Variants in SPRR2G observed in about 807,000 individuals in gnomAD.
SPRR2G encodes small proline-rich protein 2G.
SPRR2G carries 1 observed loss-of-function variant against 0.7 expected under a neutral mutation model. The observed-to-expected ratio is 1.49, with a 90% CI of 0.53 to 7.06. SPRR2G has a LOEUF of 7.06. Among genes scored for constraint, SPRR2G ranks in the 30% most tolerant of loss-of-function variants. SPRR2G has a pLI of 0.14. For synonymous variants in SPRR2G, 38 were observed against 33.9 expected, an observed-to-expected ratio of 1.12 and a Z score of -0.42; for missense variants, 96 against 88.5, an observed-to-expected ratio of 1.09 and a Z score of -0.34.
chr1:153,175,395 G>A, the SPRR2G span, among the ~76,000 whole-genome samples: 11 of 152,232 alleles, frequency 7.2e-5, no homozygotes, highest in South Asian at 2.1e-4. Context: ...GGCTGTTCCC[G>A]TAAGTCCAGT....
chr1:153,195,771 TCTTC>T, the SPRR2G span, among the ~76,000 whole-genome samples: 3 of 152,146 alleles, frequency 2.0e-5, no homozygotes, highest in Non-Finnish European at 4.4e-5. Flanking sequence ...CTGAGATGAC[TCTTC>T]CTTTCCTCTA....
chr1:153,190,210 T>A, the SPRR2G span: 1 of 152,352 alleles, frequency 6.6e-6, no homozygotes, highest in East Asian at 1.9e-4. Flanking sequence ...CCACCCTTCA[T>A]ACAGTAGAAG....
At chr1:153,192,146 A>G in the SPRR2G span, among the ~76,000 whole-genome samples, 3 of 152,186 alleles carry the variant, frequency 2.0e-5, no homozygotes. Context: ...CACAGAGGGC[A>G]TGTGGGATGA....
At chr1:153,189,646 C>A in the SPRR2G span, among the ~76,000 whole-genome samples, 3 of 152,060 alleles carry the variant, frequency 2.0e-5, no homozygotes, top group Admixed American at 2.0e-4. Flanking sequence ...AGGGAGATTG[C>A]CAGAACATAC....
At chr1:153,183,154 C>T in the SPRR2G span, among the ~76,000 whole-genome samples, 9 of 148,520 alleles carry the variant, frequency 6.1e-5, no homozygotes, top group South Asian at 6.4e-4. Context: ...CCACAGTTTC[C>T]GCCTCCTGGG....
chr1:153,184,021 A>G, the SPRR2G span, among the ~76,000 whole-genome samples: 1 of 152,150 alleles, frequency 6.6e-6, no homozygotes, highest in Non-Finnish European at 1.5e-5. Context: ...CAAAGATCAG[A>G]TGGTTGTAGA....
chr1:153,169,294 G>A, the SPRR2G span, among the ~76,000 whole-genome samples: 11 of 152,172 alleles, frequency 7.2e-5, no homozygotes, highest in African/African-American at 1.7e-4. Context: ...CCGGGGTCGC[G>A]GTGGCTCATG....
the SPRR2G span, among the ~76,000 whole-genome samples, chr1:153,193,745 C>A: frequency 3.3e-4 from 50 of 152,236 alleles, no homozygotes; most frequent in Non-Finnish European, 5.4e-4. Context: ...CTCTCAGACA[C>A]CAGGAAGTCC....
the SPRR2G span, among the ~76,000 whole-genome samples, chr1:153,184,640 C>A: frequency 1.3e-5 from 2 of 152,134 alleles, no homozygotes; most frequent in Admixed American, 6.6e-5. Context: ...ACAATCATGT[C>A]ATCTGCAAAC....
At chr1:153,194,569 A>T in the SPRR2G span, among the ~76,000 whole-genome samples, 1 of 152,184 alleles carries the variant, frequency 6.6e-6, no homozygotes, top group African/African-American at 2.4e-5. Flanking sequence ...GCCTTGAATT[A>T]TGTGCAGGCT....
the SPRR2G span, among the ~76,000 whole-genome samples, chr1:153,169,290 T>C: frequency 6.6e-6 from 1 of 151,860 alleles, no homozygotes; most frequent in Non-Finnish European, 1.5e-5. Flanking sequence ...CCAGCCGGGG[T>C]CGCGGTGGCT....
At chr1:153,165,157 C>CATGGATGG in the SPRR2G span, among the ~76,000 whole-genome samples, 2,032 of 149,162 alleles carry the variant, frequency 0.014, 30 homozygotes, top group South Asian at 0.06. Context: ...AGAAAGCAAA[C>CATGGATGG]ATGGATGGAT....
upstream of SPRR2G, among the ~76,000 whole-genome samples, chr1:153,152,855 G>C (rs1317203352): frequency 1.3e-5 from 2 of 152,106 alleles, no homozygotes; most frequent in Admixed American, 1.3e-4. Context: ...AGATTCCAAA[G>C]TTATTTTTAC....
chr1:153,153,539 C>T (rs984867930), upstream of SPRR2G, among the ~76,000 whole-genome samples: 3 of 152,058 alleles, frequency 2.0e-5, no homozygotes, highest in African/African-American at 7.2e-5. Context: ...GGCTGAATTA[C>T]CTGGTCCCAA....
At chr1:153,168,032 C>T in the SPRR2G span, among the ~76,000 whole-genome samples, 1 of 152,276 alleles carries the variant, frequency 6.6e-6, no homozygotes, top group East Asian at 1.9e-4. Flanking sequence ...AAATCACCTT[C>T]TTGGTGCTCT....
At chr1:153,202,575 C>A in the SPRR2G span, among the ~76,000 whole-genome samples, 1 of 152,160 alleles carries the variant, frequency 6.6e-6, no homozygotes, top group African/African-American at 2.4e-5. Flanking sequence ...CATGAATCTA[C>A]CTGTCTAATG....
the SPRR2G span, among the ~76,000 whole-genome samples, chr1:153,164,509 T>G: frequency 1.3e-5 from 2 of 152,176 alleles, no homozygotes; most frequent in African/African-American, 2.4e-5. Context: ...GAGTACCAAA[T>G]ACAGTCATCC....
At chr1:153,166,378 C>T in the SPRR2G span, among the ~76,000 whole-genome samples, 817 of 152,284 alleles carry the variant, frequency 5.4e-3, 12 homozygotes, top group Middle Eastern at 0.02. Flanking sequence ...CCTACATGGG[C>T]ATTTAACTTA....
At chr1:153,174,724 G>C in the SPRR2G span, 1 of 152,222 alleles carries the variant, frequency 6.6e-6, no homozygotes, top group Non-Finnish European at 1.5e-5. Context: ...GTGACAGTGT[G>C]CAAAGAGTAC....
Sources: allele counts gnomAD v4.1 joint callset (sites outside exome capture counted in the v4.1 genomes callset), GRCh38; gene constraint gnomAD v4.1.1; transcripts MANE v1.5; gene names NCBI Gene and HGNC (gene_info 2026-07-23, HGNC 2026-07-21).